C9orf78: variants seen among roughly 807,000 people sequenced by gnomAD.
C9orf78 encodes the protein splicing factor C9orf78.
A neutral mutation model predicts 37.4 loss-of-function variants in C9orf78; 19 were observed. That is an observed-to-expected ratio of 0.51 (90% CI 0.35 to 0.74). The LOEUF is 0.74. Ranked by LOEUF, C9orf78 falls within the 30% of genes least tolerant of loss-of-function variation. C9orf78 has a pLI of 0.01. For missense variants in C9orf78, 291 were observed against 370.8 expected (o/e 0.78, Z 1.77); for synonymous variants, 130 against 128.0 (o/e 1.02, Z -0.10).
chr9:129,828,280 G>A (rs1356819269), intron 8 of C9orf78, 28 bp from the exon 9 acceptor site: 3 of 1,400,560 alleles, frequency 2.1e-6, no homozygotes, highest in Non-Finnish European at 3.0e-6. Flanking sequence ...AGGAAAGGTG[G>A]TTTGCCATGC....
chr9:129,829,551 G>A lies in C9orf78; in HGVS notation c.543-10C>T. 6.2e-7 allele frequency: 1 copy of A among 1,611,020 alleles called. No individual in the cohort carries two copies. The highest frequency in any genetic ancestry group is 8.5e-7 in the Non-Finnish European group (1 of 1,177,930). On this transcript the variant is annotated splice_polypyrimidine_tract_variant and intron_variant, in intron 6 of 8. Transcript: ENST00000372447. ...ATTTTTTATTTTAGCACTATGGAGA[G>A]AAAGAAACCACACCACTTAGAAGAT...
chr9:129,829,800 A>G, intron 6 of C9orf78: 1 of 368,940 alleles, frequency 2.7e-6, no homozygotes, highest in Non-Finnish European at 4.9e-6. Context: ...AAAGTTTGTA[A>G]AGGCCAGAAA....
chr9:129,834,813 C>A, intron 1 of C9orf78, 47 bp from the exon 2 acceptor site: 1 of 1,449,172 alleles, frequency 6.9e-7, no homozygotes, highest in South Asian at 1.1e-5. Flanking sequence ...AGTGATTCCC[C>A]GCGGAATCCA....
chr9:129,834,598 G>A (rs2031638324), intron 2 of C9orf78, 109 bp downstream of exon 2: 1 of 771,468 alleles, frequency 1.3e-6, no homozygotes, highest in Admixed American at 1.9e-5. Flanking sequence ...AAGGTGTACA[G>A]TGTGTCAAGA....
At chr9:129,829,136 C>T (rs759321072) in intron 8 of C9orf78, 69 bp downstream of exon 8, 5 of 1,091,068 alleles carry the variant, frequency 4.6e-6, no homozygotes, top group Admixed American at 3.5e-5. Context: ...TCCCCCGCTG[C>T]ATCCTGCCTC....
intron 5 of C9orf78, 69 bp from the exon 6 acceptor site, chr9:129,831,137 G>A: frequency 1.1e-6 from 1 of 948,036 alleles, no homozygotes; most frequent in Non-Finnish European, 1.7e-6. Context: ...CTAAATCAGT[G>A]GTCCCCAACA....
At position 129,828,131 on chromosome 9, in the gene C9orf78, A is replaced by C; in HGVS notation, c.*30T>G. 7.8e-7 allele frequency: 1 copy of C among 1,274,206 alleles called. No individual in the cohort carries two copies. Among genetic ancestry groups the C allele is most frequent in the Non-Finnish European group, 1.1e-6 (1 of 875,050 alleles). The allele number at this position is 1,274,206 out of a possible 1,614,324, so 78.9% of individuals were successfully genotyped here. A position where few individuals can be genotyped will look rare whatever the true frequency, so the allele number is the denominator to read the frequency against. On this transcript the variant is annotated 3_prime_UTR_variant, in exon 9 of 9. Coordinates refer to ENST00000372447, the MANE Select transcript of C9orf78 (RefSeq NM_016520.3). The stretch of plus-strand genomic sequence containing the variant: ...TCATGGGAGGGATATAGGGAGAGGA[A>C]GGCGATATTTACATCCCACTCTGCA...
chr9:129,834,972 G>A, intron 1 of C9orf78, 167 bp downstream of exon 1: 7 of 682,824 alleles, frequency 1.0e-5, no homozygotes, highest in Non-Finnish European at 1.8e-5. Flanking sequence ...TCAACCGTTC[G>A]AGCTTGGGGC....
chr9:129,828,436 T>C, intron 8 of C9orf78, 184 bp from the exon 9 acceptor site: 1 of 444,822 alleles, frequency 2.2e-6, no homozygotes, highest in Non-Finnish European at 4.2e-6. Flanking sequence ...TTCTTTTCTT[T>C]TTTTTGAGAT....
intron 5 of C9orf78, chr9:129,831,302 A>G (rs78221229): frequency 0.015 from 8,241 of 539,858 alleles, 539 homozygotes; most frequent in African/African-American, 0.14. Flanking sequence ...CTTTGAAGAC[A>G]GAAAGATGAT....
chr9:129,829,062 A>G (rs1476318016), intron 8 of C9orf78, 143 bp downstream of exon 8: 2 of 711,068 alleles, frequency 2.8e-6, no homozygotes, highest in African/African-American at 1.7e-5. Flanking sequence ...GAAGGCACAT[A>G]GTCATGGTCC....
At chr9:129,833,775 G>T in intron 2 of C9orf78, 66 bp from the exon 3 acceptor site, 2 of 1,162,584 alleles carry the variant, frequency 1.7e-6, no homozygotes, top group African/African-American at 1.5e-5. Flanking sequence ...AGATAAGGAG[G>T]AACCCTCTCA....
intron 8 of C9orf78, chr9:129,828,536 G>T: frequency 3.8e-6 from 1 of 266,644 alleles, no homozygotes; most frequent in Non-Finnish European, 7.4e-6. Context: ...TGATTCTCCT[G>T]CCTCAGCCTC....
In C9orf78 at chr9:129,828,105, T is replaced by G; in HGVS notation, c.*56A>C. On this transcript the variant is annotated 3_prime_UTR_variant, in exon 9 of 9. Coordinates refer to ENST00000372447, the MANE Select transcript of C9orf78 (RefSeq NM_016520.3). ...ACCACGCCCGGCCAGGAAGCCATTTTTCATGGGAGGGATATAGGGAGAGGA... is the reference window on the plus strand; with the variant it reads ...ACCACGCCCGGCCAGGAAGCCATTTGTCATGGGAGGGATATAGGGAGAGGA... The G allele has an allele frequency of 9.2e-7, 1 of 1,088,058 alleles. No homozygotes were observed. Among genetic ancestry groups the G allele is most frequent in the Non-Finnish European group, 1.4e-6 (1 of 714,394 alleles). 67.4% of individuals were successfully genotyped at this position (1,088,058 alleles called of 1,614,324 possible).
At position 129,831,955 on chromosome 9, in the gene C9orf78, G is replaced by C; in HGVS notation, c.285C>G (p.Asp95Glu). The C allele has an allele frequency of 6.4e-7, 1 of 1,564,340 alleles. No individual in the cohort carries two copies. The highest frequency in any genetic ancestry group is 8.8e-7 in the Non-Finnish European group (1 of 1,134,852). The change falls in exon 5 of 9, where the codon GAC becomes GAG. Residue 95 changes from aspartate (D) to glutamate (E), a missense_variant. Physicochemically the swap from Asp to Glu is conservative, Grantham distance 45 (BLOSUM62 2). Around this residue, in one of 3 missense-constraint regions of C9orf78, gnomAD observed 158 missense variants for 174.8 expected, o/e 0.90. Coordinates refer to ENST00000372447, the MANE Select transcript of C9orf78 (RefSeq NM_016520.3). ...RGKDKISEEE[D>E]LHLGTSFSAE... ...CAGAAAACGATGTCCCCAGGTGCAGGTCCTCCTCCTCACTGATCCTGGAGG... is the reference window on the plus strand; with the variant it reads ...CAGAAAACGATGTCCCCAGGTGCAGCTCCTCCTCCTCACTGATCCTGGAGG...
At position 129,835,266 on chromosome 9, in the gene C9orf78, G is replaced by A. The variant is rs557823140; in HGVS notation, c.-45C>T. 5.6e-6 allele frequency: 8 copies of A among 1,421,762 alleles called. No homozygotes were observed. The highest frequency in any genetic ancestry group is 2.4e-5 in the East Asian group (1 of 41,284). 88.1% of individuals were successfully genotyped at this position (1,421,762 alleles called of 1,614,324 possible). A position where few individuals can be genotyped will look rare whatever the true frequency, so the allele number is the denominator to read the frequency against. ...TACAGCCGCCGCGCCTCTGCGCAGC[G>A]GCCCAGGCTGCTTCCGGCGCGCGGC... On this transcript the variant is annotated 5_prime_UTR_variant, in exon 1 of 9. Transcript: ENST00000372447.
intron 4 of C9orf78, among the ~76,000 whole-genome samples, chr9:129,833,064 C>CATACGTGT (rs1564188703): frequency 1.0e-5 from 1 of 99,498 alleles, no homozygotes; most frequent in Non-Finnish European, 2.3e-5. Flanking sequence ...TATGTGTGTA[C>CATACGTGT]ATATGTGTGT....
intron 6 of C9orf78, 196 bp from the exon 7 acceptor site, chr9:129,829,737 C>A (rs1236532878): frequency 5.7e-6 from 3 of 527,108 alleles, no homozygotes. Flanking sequence ...AGTTACTCTG[C>A]TCTTCTGATC....
chr9:129,830,210 G>C (rs1373713290), intron 6 of C9orf78: 1 of 152,112 alleles, frequency 6.6e-6, no homozygotes, highest in African/African-American at 2.4e-5. Context: ...CTCCCACCTT[G>C]GCCTCCCAAA....
Sources: gnomAD v4.1 joint callset for allele counts (sites outside exome capture counted in the v4.1 genomes callset) on GRCh38, gnomAD v4.1.1 for gene constraint, gnomAD v4.1.1 regional missense constraint, MANE v1.5 for transcripts, NCBI Gene and HGNC (gene_info 2026-07-23, HGNC 2026-07-21) for gene names.